The following COBLL1 variants were observed in gnomAD, a reference collection of about 807,000 sequenced individuals.
COBLL1 encodes cordon-bleu protein-like 1.
A neutral mutation model predicts 94.8 loss-of-function variants in COBLL1; 50 were observed. The ratio of observed to expected loss-of-function variants is 0.53; its 90% CI spans 0.42 to 0.67. COBLL1 has a LOEUF of 0.67. Among genes scored for constraint, COBLL1 ranks in the 30% least tolerant of loss-of-function variants. COBLL1 has a pLI of 0.00. For missense variants in COBLL1, 1,362 were observed against 1,348.7 expected (o/e 1.01, Z -0.15); for synonymous variants, 448 against 473.8 (o/e 0.95, Z 0.71).
At chr2:164,672,220 T>C (rs1243862299) in intron 1 of COBLL1, among the ~76,000 whole-genome samples, 1 of 152,196 alleles carries the variant, frequency 6.6e-6, no homozygotes, top group Non-Finnish European at 1.5e-5. Flanking sequence ...TTCTCAAGGC[T>C]TGAGGGAATT....
chr2:164,773,792 T>C (rs1034143584), intron 2 of COBLL1: 2 of 1,260,746 alleles, frequency 1.6e-6, no homozygotes, highest in African/African-American at 3.1e-5. Flanking sequence ...TCCTGCTCTG[T>C]TACTAACTCA....
chr2:164,704,418 C>T (rs761733971), intron 9 of COBLL1, 26 bp downstream of exon 9: 6 of 1,453,086 alleles, frequency 4.1e-6, no homozygotes, highest in Non-Finnish European at 4.8e-6. Context: ...TCAGTAATTA[C>T]ACCATGTAGA....
chr2:164,747,516 C>G (rs974791297), intron 2 of COBLL1, among the ~76,000 whole-genome samples: 1 of 152,164 alleles, frequency 6.6e-6, no homozygotes, highest in East Asian at 1.9e-4. Context: ...CAGGGTCTGG[C>G]TCTGTCACCT....
chr2:164,674,978 A>C (rs1691312759), intron 1 of COBLL1, among the ~76,000 whole-genome samples: 1 of 152,226 alleles, frequency 6.6e-6, no homozygotes, highest in South Asian at 2.1e-4. Flanking sequence ...TCCTTGGAAT[A>C]ATTCATTTCT....
In COBLL1 at chr2:164,695,424, T is replaced by C. The variant is rs1201415204; in HGVS notation, c.1968A>G (p.Glu656=). The part of the protein sequence containing the change: ...SSQDSVNTSR[E]FRSQGTLIIH... ...TAATTAGGGTGCCTTGACTCCTGAA[T>C]TCCCTTGAGGTATTTACAGAATCTT... The change falls in exon 12 of 14, where the codon GAA becomes GAG. Residue 656 remains glutamate, a synonymous_variant. Transcript: ENST00000652658. The C allele has an allele frequency of 6.2e-7, 1 of 1,613,906 alleles. No homozygotes were observed. The highest frequency in any genetic ancestry group is 2.2e-5 in the East Asian group (1 of 44,850).
At chr2:164,824,418 T>C (rs1685333907) in intron 2 of COBLL1, among the ~76,000 whole-genome samples, 1 of 151,102 alleles carries the variant, frequency 6.6e-6, no homozygotes, top group African/African-American at 2.4e-5. Context: ...AAGGATGCAA[T>C]CTATCCATAG....
rs1691240220 is a variant in COBLL1 at position 164,671,459 on chromosome 2, CATA to C, written n.127-5561_127-5559del. On this transcript the variant is annotated intron_variant and non_coding_transcript_variant, in intron 1 of 2. Coordinates refer to the COBLL1 transcript ENST00000495084. ...TTTTATGTGCAAAAACAAATAGACT[CATA>C]ATATTACTTCAACTAGAACCACAAT... Among the ~76,000 whole-genome samples, 3 of 152,206 alleles carry C rather than the reference CATA, an allele frequency of 2.0e-5. No homozygotes were observed. The South Asian group carries it at 6.2e-4, about 32-fold the overall frequency.
rs1160975725 is a variant in COBLL1, at chr2:164,695,199, C to T, written c.2193G>A (p.Met731Ile). The T allele has an allele frequency of 6.2e-7, 1 of 1,613,786 alleles. No homozygotes were observed. Among genetic ancestry groups the T allele is most frequent in the Non-Finnish European group, 8.5e-7 (1 of 1,179,950 alleles). The change falls in exon 12 of 14, where the codon ATG (methionine) becomes ATA (isoleucine). Residue 731 changes from methionine (M) to isoleucine (I), a missense_variant. Met to Ile is a conservative substitution (Grantham distance 10, BLOSUM62 1). Transcript: ENST00000652658. ...ITREYIPKIGMTTYKIVPPKS... is the reference protein window; with the variant it reads ...ITREYIPKIGITTYKIVPPKS... The stretch of plus-strand genomic sequence containing the variant: ...TGGGAGGCACTATTTTATAAGTAGT[C>T]ATGCCAATTTTGGGTATATACTCTC...
intron 13 of COBLL1, among the ~76,000 whole-genome samples, chr2:164,689,522 G>A (rs572361367): frequency 7.7e-4 from 117 of 152,198 alleles, no homozygotes; most frequent in African/African-American, 2.6e-3. Flanking sequence ...TTAAGAGCCT[G>A]CCTGTGTCCA....
chr2:164,785,898 ATCC>A (rs1688931580), intron 2 of COBLL1, among the ~76,000 whole-genome samples: 1 of 147,858 alleles, frequency 6.8e-6, no homozygotes, highest in Non-Finnish European at 1.5e-5. Flanking sequence ...GCTAGAGGAA[ATCC>A]TCCTCCGCAA....
At chr2:164,783,468 G>A (rs537360591) in intron 2 of COBLL1, among the ~76,000 whole-genome samples, 1 of 152,120 alleles carries the variant, frequency 6.6e-6, no homozygotes, top group African/African-American at 2.4e-5. Flanking sequence ...GAGGAGAGAA[G>A]AGAGCCTCTC....
intron 2 of COBLL1, among the ~76,000 whole-genome samples, chr2:164,764,769 A>C (rs1687854104): frequency 6.6e-6 from 1 of 152,202 alleles, no homozygotes; most frequent in African/African-American, 2.4e-5. Context: ...TAAAAGAATG[A>C]CTACATTGTA....
chr2:164,697,370 T>C lies in COBLL1; in HGVS notation c.1556-1534A>G, dbSNP rs565149125. 2.6e-5 allele frequency: 4 copies of C among 152,286 alleles called. No homozygotes were observed. The South Asian group carries it at 8.3e-4, about 32-fold the overall frequency. 9.4% of individuals were successfully genotyped at this position (152,286 alleles called of 1,614,324 possible). On this transcript the variant is annotated intron_variant, in intron 11 of 13. Transcript: ENST00000652658. ...TTTGATTTACAAAATTAAAGACCCA[T>C]GTTCTTAGGAACCATAGAAGAGGCA...
intron 5 of COBLL1, chr2:164,724,751 A>G (rs1448440963): frequency 6.6e-6 from 1 of 152,156 alleles, no homozygotes; most frequent in Non-Finnish European, 1.5e-5. Flanking sequence ...CTGTCTAAGA[A>G]AACCAAAATA....
At chr2:164,776,295 A>G (rs1688458085) in intron 2 of COBLL1, among the ~76,000 whole-genome samples, 1 of 152,108 alleles carries the variant, frequency 6.6e-6, no homozygotes, top group African/African-American at 2.4e-5. Context: ...CTGGTAAAGG[A>G]AGCCCCAAAC....
At chr2:164,810,100 A>G (rs954413534) in intron 2 of COBLL1, among the ~76,000 whole-genome samples, 1 of 151,750 alleles carries the variant, frequency 6.6e-6, no homozygotes, top group Non-Finnish European at 1.5e-5. Flanking sequence ...ACTTCTCTAG[A>G]TCTCAACCCA....
intron 1 of COBLL1, among the ~76,000 whole-genome samples, chr2:164,673,320 G>A (rs976263851): frequency 2.0e-5 from 3 of 152,170 alleles, no homozygotes; most frequent in African/African-American, 4.8e-5. Flanking sequence ...TTAGTTAGAG[G>A]CATAGTACTT....
intron 2 of COBLL1, among the ~76,000 whole-genome samples, chr2:164,755,653 A>G (rs567385096): frequency 1.3e-5 from 2 of 152,270 alleles, no homozygotes; most frequent in South Asian, 4.1e-4. Flanking sequence ...AGAAAGACAT[A>G]ACCTGCTCTG....
chr2:164,714,174 C>T (rs1685048502), intron 7 of COBLL1, among the ~76,000 whole-genome samples: 1 of 151,502 alleles, frequency 6.6e-6, no homozygotes, highest in African/African-American at 2.4e-5. Flanking sequence ...CACACACACA[C>T]ACACACATTA....
Sources: gnomAD v4.1 joint callset for allele counts (sites outside exome capture counted in the v4.1 genomes callset) on GRCh38, gnomAD v4.1.1 for gene constraint, MANE v1.5 for transcripts, NCBI Gene and HGNC (gene_info 2026-07-23, HGNC 2026-07-21) for gene names.